Variants in CFI observed in about 807,000 individuals in gnomAD.
CFI encodes complement factor I, also known as C3B/C4B inactivator.
In CFI, 66 loss-of-function variants were observed where a neutral mutation model predicts 78.8. The ratio of observed to expected loss-of-function variants is 0.84; its 90% confidence interval spans 0.69 to 1.03. The LOEUF is 1.03. CFI is among the 50% of genes least tolerant of loss of function. CFI has a pLI of 0.00. For synonymous variants in CFI, 250 were observed against 232.6 expected (o/e 1.07, Z -0.68); for missense variants, 706 against 704.5 (o/e 1.00, Z -0.02).
chr4:109,775,539 G>T, intron 1 of CFI, among the ~76,000 whole-genome samples: 1 of 152,192 alleles, frequency 6.6e-6, no homozygotes, highest in South Asian at 2.1e-4. Flanking sequence ...GCTCAAGGAG[G>T]CCTGCCTGCC....
intron 1 of CFI, among the ~76,000 whole-genome samples, chr4:109,790,894 T>A (rs1731290322): frequency 6.6e-6 from 1 of 152,178 alleles, no homozygotes; most frequent in South Asian, 2.1e-4. Flanking sequence ...TTGTGAATAG[T>A]GCCGCAATGA....
At chr4:109,755,637 T>C (rs1001787803) in intron 7 of CFI, among the ~76,000 whole-genome samples, 1 of 152,112 alleles carries the variant, frequency 6.6e-6, no homozygotes, top group Non-Finnish European at 1.5e-5. Context: ...TTCAACCTCC[T>C]GCCATGGGTG....
chr4:109,744,982 T>C (rs1283816005), intron 11 of CFI, among the ~76,000 whole-genome samples: 1 of 152,224 alleles, frequency 6.6e-6, no homozygotes, highest in Non-Finnish European at 1.5e-5. Context: ...TTAGAAGTTT[T>C]AGGTATTCAG....
At chr4:109,757,933 TA>T in intron 6 of CFI, 150 bp from the exon 7 acceptor site, 1 of 1,454,796 alleles carries the variant, frequency 6.9e-7, no homozygotes, top group Non-Finnish European at 9.2e-7. Flanking sequence ...AAAAATGATT[TA>T]CCTTGAATTG....
chr4:109,773,874 G>A (rs1728896495), intron 1 of CFI, among the ~76,000 whole-genome samples: 1 of 152,128 alleles, frequency 6.6e-6, no homozygotes, highest in Non-Finnish European at 1.5e-5. Context: ...CGGAATCTCT[G>A]GGACAGATCT....
At chr4:109,770,154 G>A (rs898866709) in intron 1 of CFI, among the ~76,000 whole-genome samples, 6 of 152,128 alleles carry the variant, frequency 3.9e-5, no homozygotes, top group African/African-American at 1.4e-4. Flanking sequence ...AAACCAAAAT[G>A]GAGTCACTTA....
intron 1 of CFI, among the ~76,000 whole-genome samples, chr4:109,769,578 T>C (rs1489785432): frequency 6.6e-6 from 1 of 152,158 alleles, no homozygotes; most frequent in Non-Finnish European, 1.5e-5. Context: ...AACTCTCTCA[T>C]GCGGGGTACT....
intron 1 of CFI, among the ~76,000 whole-genome samples, chr4:109,795,717 A>C (rs545455974): frequency 6.6e-6 from 1 of 152,282 alleles, no homozygotes; most frequent in Non-Finnish European, 1.5e-5. Flanking sequence ...CAATAAAGGA[A>C]CTGAAAAATT....
intron 7 of CFI, among the ~76,000 whole-genome samples, chr4:109,756,614 C>T (rs1726182627): frequency 6.6e-6 from 1 of 151,920 alleles, no homozygotes. Flanking sequence ...GTAATCCCAG[C>T]ACTTTGGGAG....
At chr4:109,740,290 C>CA (rs1345300667), downstream of CFI, among the ~76,000 whole-genome samples, 5 of 138,000 alleles carry the variant, frequency 3.6e-5, no homozygotes, top group African/African-American at 5.5e-5. Context: ...GACTTTGCCT[C>CA]AAAAAAAGAA....
rs539521574 is a variant in CFI at position 109,785,016 on chromosome 4, C to A, written c.57+16899G>T. Among the ~76,000 whole-genome samples the A allele has an allele frequency of 4.6e-5, 7 of 152,208 alleles. No individual in the cohort carries two copies. The South Asian group carries it at 1.5e-3, about 32-fold the overall frequency. Reference sequence around the variant, plus strand: ...GCGATAATGTACTTTGTGATATTCACCCCCGCAAGAAGCTACTTTGTAATA... The same window carrying A: ...GCGATAATGTACTTTGTGATATTCAACCCCGCAAGAAGCTACTTTGTAATA... On this transcript the variant is annotated intron_variant, in intron 1 of 12. Coordinates refer to ENST00000394634, the MANE Select transcript of CFI (RefSeq NM_000204.5).
At chr4:109,732,675 G>A in the CFI span, among the ~76,000 whole-genome samples, 1 of 152,146 alleles carries the variant, frequency 6.6e-6, no homozygotes, top group African/African-American at 2.4e-5. Flanking sequence ...GGCTAACACG[G>A]TGAAACCCTG....
Position 109,786,193 on chromosome 4 carries a change from GC to G in CFI, c.57+15721del, listed in dbSNP as rs527680673. Among the ~76,000 whole-genome samples the G allele has an allele frequency of 4.0e-3, 611 of 152,032 alleles. 10 individuals are homozygous for G. The highest frequency in any genetic ancestry group is 2.2e-3 in the Non-Finnish European group (148 of 67,958). On this transcript the variant is annotated intron_variant, in intron 1 of 12. Transcript: ENST00000394634. ...TTACAAGTGCCTGCCACCATGCCCGGCTAATTTTTGTGTTTTTAGTAGAGAT... is the reference window on the plus strand; with the variant it reads ...TTACAAGTGCCTGCCACCATGCCCGGTAATTTTTGTGTTTTTAGTAGAGAT...
At chr4:109,762,070 A>G (rs917514324) in intron 3 of CFI, 1 of 248,858 alleles carries the variant, frequency 4.0e-6, no homozygotes, top group African/African-American at 2.3e-5. Context: ...CTACACCTGT[A>G]GTCTCAGCTA....
At chr4:109,774,907 T>A (rs201962551) in intron 1 of CFI, among the ~76,000 whole-genome samples, 2 of 152,188 alleles carry the variant, frequency 1.3e-5, no homozygotes, top group East Asian at 3.8e-4. Context: ...ATTTGTGCTC[T>A]TTCAGTCTTT....
chr4:109,757,847 C>A, intron 6 of CFI, 64 bp from the exon 7 acceptor site: 1 of 1,301,648 alleles, frequency 7.7e-7, no homozygotes. Context: ...CACACTATAG[C>A]AATATACTAT....
chr4:109,785,107 C>T (rs951076400), intron 1 of CFI, among the ~76,000 whole-genome samples: 3 of 152,046 alleles, frequency 2.0e-5, no homozygotes, highest in African/African-American at 7.2e-5. Flanking sequence ...CTCCTAACTC[C>T]ACTGTCTGTC....
At chr4:109,783,989 A>C (rs1175648138) in intron 1 of CFI, among the ~76,000 whole-genome samples, 2 of 151,538 alleles carry the variant, frequency 1.3e-5, no homozygotes, top group African/African-American at 4.8e-5. Context: ...AGTTATGAGA[A>C]CCCAAAGACA....
intron 1 of CFI, among the ~76,000 whole-genome samples, chr4:109,799,234 C>G (rs1274043206): frequency 6.6e-6 from 1 of 152,134 alleles, no homozygotes; most frequent in Non-Finnish European, 1.5e-5. Context: ...TAATCCTTTG[C>G]CCCAGACAGC....
Sources: allele counts gnomAD v4.1 joint callset (sites outside exome capture counted in the v4.1 genomes callset), GRCh38; gene constraint gnomAD v4.1.1; transcripts MANE v1.5; gene names NCBI Gene and HGNC (gene_info 2026-07-23, HGNC 2026-07-21).